The following UCHL5 variants were observed in gnomAD, a reference collection of about 807,000 sequenced individuals.
UCHL5 encodes ubiquitin C-terminal hydrolase L5.
UCHL5 carries 34 observed loss-of-function variants against 53.8 expected under a neutral mutation model. The observed-to-expected ratio is 0.63, with a 90% confidence interval of 0.48 to 0.84. UCHL5 has a LOEUF of 0.84. UCHL5 is among the 40% of genes least tolerant of loss of function. UCHL5 has a pLI of 0.00. For missense variants in UCHL5, 290 were observed against 385.6 expected (o/e 0.75, Z 2.08); for synonymous variants, 111 against 126.3 (o/e 0.88, Z 0.81).
intron 3 of UCHL5, among the ~76,000 whole-genome samples, chr1:193,034,860 G>A (rs774271071): frequency 2.2e-4 from 34 of 151,920 alleles, no homozygotes; most frequent in Non-Finnish European, 4.3e-4. Flanking sequence ...CATCTCAATA[G>A]AGGCAGAAAA....
intron 1 of UCHL5, among the ~76,000 whole-genome samples, chr1:193,055,554 C>T (rs1231246524): frequency 6.6e-6 from 1 of 152,210 alleles, no homozygotes; most frequent in Non-Finnish European, 1.5e-5. Context: ...GGCAAGCCAA[C>T]TTATTTGCTG....
chr1:193,055,591 A>T (rs1372160268), intron 1 of UCHL5, among the ~76,000 whole-genome samples: 2 of 152,222 alleles, frequency 1.3e-5, no homozygotes. Context: ...CTAACACTTA[A>T]TAATTCTTAA....
intron 3 of UCHL5, among the ~76,000 whole-genome samples, chr1:193,040,587 T>A (rs1665216869): frequency 6.6e-6 from 1 of 152,060 alleles, no homozygotes; most frequent in Admixed American, 6.6e-5. Flanking sequence ...TGTATGGAGG[T>A]TATGCAAAAC....
intron 3 of UCHL5, among the ~76,000 whole-genome samples, chr1:193,032,720 A>G (rs1661915849): frequency 6.6e-6 from 1 of 152,264 alleles, no homozygotes; most frequent in Non-Finnish European, 1.5e-5. Context: ...GGCAAAGGAT[A>G]TGAACAGACA....
chr1:193,051,944 C>T (rs1669187930), intron 1 of UCHL5, 127 bp from the exon 2 acceptor site: 1 of 623,396 alleles, frequency 1.6e-6, no homozygotes, highest in Non-Finnish European at 2.8e-6. Flanking sequence ...ATAAAGCTCA[C>T]AGCCAAATCT....
chr1:193,058,975 C>T (rs1671810606), intron 1 of UCHL5, among the ~76,000 whole-genome samples: 1 of 152,228 alleles, frequency 6.6e-6, no homozygotes, highest in South Asian at 2.1e-4. Context: ...GATCCTTGCC[C>T]TCGTGGTGTG....
rs1658034995 is a variant in UCHL5, at chr1:193,023,740, T to A, written c.732+104A>T. 3 of 862,292 alleles carry A rather than the reference T, an allele frequency of 3.5e-6. No individual in the cohort carries two copies. In the South Asian group the frequency reaches 5.0e-5, roughly 14 times the overall value. The allele number at this position is 862,292 out of a possible 1,614,324, so 53.4% of individuals were successfully genotyped here. ...AGCCTGAATCCAGTGTGTATTCGCT[T>A]AGCCACCATTCAGACCACTTGATTA... On this transcript the variant is annotated intron_variant, in intron 8 of 10. Transcript: ENST00000367454.
intron 3 of UCHL5, among the ~76,000 whole-genome samples, chr1:193,035,471 A>G (rs187631968): frequency 6.4e-4 from 98 of 152,070 alleles, no homozygotes; most frequent in Admixed American, 2.0e-3. Context: ...AAAAAAAAAC[A>G]CCATCCAAGA....
At chr1:193,046,737 C>A (rs1371409243) in intron 3 of UCHL5, among the ~76,000 whole-genome samples, 1 of 147,622 alleles carries the variant, frequency 6.8e-6, no homozygotes, top group African/African-American at 2.5e-5. Context: ...AAAATATAAT[C>A]ATTTTAAATA....
intron 3 of UCHL5, among the ~76,000 whole-genome samples, chr1:193,033,333 C>T (rs970977307): frequency 3.3e-5 from 5 of 151,922 alleles, no homozygotes; most frequent in Non-Finnish European, 7.4e-5. Flanking sequence ...ACAATGAGAA[C>T]GCATGGGCAC....
At chr1:193,042,775 T>C (rs1046054915) in intron 3 of UCHL5, among the ~76,000 whole-genome samples, 22 of 152,170 alleles carry the variant, frequency 1.4e-4, no homozygotes, top group Admixed American at 1.2e-3. Flanking sequence ...TCTATTACTC[T>C]AAAGATAAAG....
At chr1:193,036,242 T>G (rs1243596932) in intron 3 of UCHL5, among the ~76,000 whole-genome samples, 2 of 120,992 alleles carry the variant, frequency 1.7e-5, no homozygotes, top group African/African-American at 6.5e-5. Context: ...TGGGTACAAA[T>G]AACCCACCGC....
rs922032326 is a variant in UCHL5 at position 193,058,753 on chromosome 1, C to A, written c.76+432G>T. Among the ~76,000 whole-genome samples the A allele has an allele frequency of 4.6e-5, 7 of 152,232 alleles. 1 individual carries two copies. The highest frequency in any genetic ancestry group is 1.7e-4 in the African/African-American group (7 of 41,464). Reference sequence around the variant, plus strand: ...GCGGCTTGAGCCGCAGACACCTCACCCTTGAGAAGGCGCACCCTAGGGTGG... The same window carrying A: ...GCGGCTTGAGCCGCAGACACCTCACACTTGAGAAGGCGCACCCTAGGGTGG... On this transcript the variant is annotated intron_variant, in intron 1 of 10. Transcript: ENST00000367454.
chr1:193,054,999 A>AT (rs1410841373), intron 1 of UCHL5, among the ~76,000 whole-genome samples: 1 of 152,238 alleles, frequency 6.6e-6, no homozygotes, highest in African/African-American at 2.4e-5. Flanking sequence ...TGTAAACATT[A>AT]TAAAGACACA....
intron 3 of UCHL5, among the ~76,000 whole-genome samples, chr1:193,033,644 T>C (rs925390993): frequency 6.6e-6 from 1 of 152,012 alleles, no homozygotes; most frequent in African/African-American, 2.4e-5. Context: ...AATGTAACAG[T>C]AGCTTTCCCA....
chr1:193,038,333 G>A (rs1258618555), intron 3 of UCHL5, among the ~76,000 whole-genome samples: 3 of 151,966 alleles, frequency 2.0e-5, no homozygotes, highest in Non-Finnish European at 4.4e-5. Flanking sequence ...GCGGACGCCT[G>A]TAGTCCCAGC....
At chr1:193,017,737 C>G (rs1655350161) in intron 10 of UCHL5, among the ~76,000 whole-genome samples, 1 of 151,374 alleles carries the variant, frequency 6.6e-6, no homozygotes, top group Non-Finnish European at 1.5e-5. Flanking sequence ...GGCAGAGTGT[C>G]TATACATTTA....
At chr1:193,045,250 T>TA (rs1299408933) in intron 3 of UCHL5, among the ~76,000 whole-genome samples, 1 of 152,220 alleles carries the variant, frequency 6.6e-6, no homozygotes, top group Non-Finnish European at 1.5e-5. Context: ...GTTTACAGTT[T>TA]AGTGTGGAAG....
chr1:193,025,455 C>T (rs1457788096), intron 7 of UCHL5, among the ~76,000 whole-genome samples: 1 of 152,164 alleles, frequency 6.6e-6, no homozygotes, highest in African/African-American at 2.4e-5. Flanking sequence ...AATGGGAAGC[C>T]AAAATTGTCA....
Sources: gnomAD v4.1 joint callset for allele counts (sites outside exome capture counted in the v4.1 genomes callset) on GRCh38, gnomAD v4.1.1 for gene constraint, MANE v1.5 for transcripts, NCBI Gene and HGNC (gene_info 2026-07-23, HGNC 2026-07-21) for gene names.